Variants in SIPA1L1 observed in about 807,000 individuals in gnomAD.
The protein encoded by SIPA1L1 is signal-induced proliferation-associated 1-like protein 1.
A neutral mutation model predicts 162.7 loss-of-function variants in SIPA1L1; 26 were observed. That is an observed-to-expected ratio of 0.16 (90% CI 0.12 to 0.22). The LOEUF is 0.22. Among genes scored for constraint, SIPA1L1 ranks in the 10% least tolerant of loss-of-function variants. The pLI, the probability that SIPA1L1 is intolerant of heterozygous loss-of-function variation, is 1.00. For missense variants in SIPA1L1, 1,874 were observed against 2,241.0 expected, an observed-to-expected ratio of 0.84 and a Z score of 3.31; for synonymous variants, 829 against 837.4, an observed-to-expected ratio of 0.99 and a Z score of 0.17.
At chr14:71,641,085 C>T (rs2041665305) in intron 7 of SIPA1L1, among the ~76,000 whole-genome samples, 1 of 151,764 alleles carries the variant, frequency 6.6e-6, no homozygotes, top group Admixed American at 6.6e-5. Context: ...TAGAAAAATA[C>T]AGAAAAATGT....
intron 3 of SIPA1L1, among the ~76,000 whole-genome samples, chr14:71,514,397 G>C (rs1313299624): frequency 2.0e-5 from 3 of 152,154 alleles, no homozygotes; most frequent in Admixed American, 2.0e-4. Context: ...AATGTCCCTA[G>C]AAGGTCATAC....
chr14:71,607,969 A>G (rs778049497), intron 5 of SIPA1L1, among the ~76,000 whole-genome samples: 34 of 152,350 alleles, frequency 2.2e-4, no homozygotes, highest in Non-Finnish European at 4.6e-4. Context: ...TCCCAAATGT[A>G]TACCTCATTA....
chr14:71,523,109 A>G (rs1241130864), intron 3 of SIPA1L1, among the ~76,000 whole-genome samples: 1 of 151,934 alleles, frequency 6.6e-6, no homozygotes, highest in Non-Finnish European at 1.5e-5. Flanking sequence ...GAATTTTTTT[A>G]AAGTTCAGTT....
intron 5 of SIPA1L1, among the ~76,000 whole-genome samples, chr14:71,615,926 G>T (rs966825606): frequency 6.6e-6 from 1 of 152,196 alleles, no homozygotes; most frequent in African/African-American, 2.4e-5. Context: ...AACCCAGGAG[G>T]CAGAGGTTGC....
At chr14:71,395,506 A>G (rs908656987) in intron 2 of SIPA1L1, among the ~76,000 whole-genome samples, 2 of 152,328 alleles carry the variant, frequency 1.3e-5, no homozygotes, top group South Asian at 2.1e-4. Context: ...ACAAAAAATA[A>G]AAAACAATTA....
chr14:71,709,219 C>G lies in SIPA1L1; in HGVS notation c.3766-3C>G. 6.2e-7 allele frequency: 1 copy of G among 1,601,636 alleles called. No homozygotes were observed. The highest frequency in any genetic ancestry group is 8.5e-7 in the Non-Finnish European group (1 of 1,172,290). On this transcript the variant is annotated splice_region_variant and splice_polypyrimidine_tract_variant and intron_variant, in intron 16 of 23. Coordinates refer to ENST00000381232, the MANE Select transcript of SIPA1L1 (RefSeq NM_001386936.1). ...ACTCAAATAAATTCTGCTTCTCTTG[C>G]AGTCTGATAGCCACTACTCGAGCCA...
chr14:71,494,523 C>CTTTTT (rs201797447), intron 2 of SIPA1L1, among the ~76,000 whole-genome samples: 91 of 126,574 alleles, frequency 7.2e-4, no homozygotes, highest in Non-Finnish European at 9.6e-4. Flanking sequence ...CTTTTCTTTT[C>CTTTTT]TTTTTTTTTT....
chr14:71,520,452 A>G (rs1254186406), intron 3 of SIPA1L1, among the ~76,000 whole-genome samples: 1 of 152,208 alleles, frequency 6.6e-6, no homozygotes, highest in Non-Finnish European at 1.5e-5. Flanking sequence ...CACAGATCAT[A>G]AGTGGATAGG....
At chr14:71,338,289 C>T (rs970133624) in intron 2 of SIPA1L1, among the ~76,000 whole-genome samples, 4 of 152,190 alleles carry the variant, frequency 2.6e-5, no homozygotes, top group African/African-American at 9.7e-5. Flanking sequence ...CATCCTTTGT[C>T]GCAGGAGTCA....
chr14:71,442,419 TC>T (rs1396106247), intron 2 of SIPA1L1, among the ~76,000 whole-genome samples: 6 of 152,168 alleles, frequency 3.9e-5, no homozygotes, highest in Admixed American at 3.9e-4. Context: ...ATGAGATTTT[TC>T]CCCTGGCAAC....
At position 71,588,722 on chromosome 14, in the gene SIPA1L1, C is replaced by T. The variant is rs2147576103; in HGVS notation, c.850C>T (p.Arg284Ter). The change falls in exon 5 of 24, where the codon CGA (arginine) becomes TGA (stop). Residue 284 changes from arginine to a stop codon, truncating the protein, a stop_gained. Coordinates refer to ENST00000381232, the MANE Select transcript of SIPA1L1 (RefSeq NM_001386936.1). LOFTEE classifies it high-confidence loss of function. This position sits in a 1 kb window ranked among gnomAD's most constrained non-coding sequence, Gnocchi z 4.3. ...LFKEREKPLK[R>*]RSKSETGDSS... ...TAAGGAAAGGGAAAAACCACTCAAG[C>T]GACGTTCAAAATCTGAAACTGGAGA... The T allele has an allele frequency of 6.2e-7, 1 of 1,613,966 alleles. No homozygotes were observed.
chr14:71,647,426 C>G (rs1312239642), intron 7 of SIPA1L1, among the ~76,000 whole-genome samples: 1 of 151,632 alleles, frequency 6.6e-6, no homozygotes, highest in Non-Finnish European at 1.5e-5. Context: ...ATAAATTAAT[C>G]CTTTTGAGTG....
At chr14:71,428,253 T>C (rs1329521824) in intron 2 of SIPA1L1, among the ~76,000 whole-genome samples, 1 of 151,948 alleles carries the variant, frequency 6.6e-6, no homozygotes, top group East Asian at 1.9e-4. Flanking sequence ...CACCTCAGCC[T>C]CCCAAAATGC....
intron 2 of SIPA1L1, among the ~76,000 whole-genome samples, chr14:71,403,599 C>CAAAA (rs147285643): frequency 3.8e-4 from 26 of 69,260 alleles, no homozygotes; most frequent in African/African-American, 1.4e-3. Flanking sequence ...GACTCTGTCT[C>CAAAA]AAAAAAAAAA....
chr14:71,396,645 T>G (rs2041227534), intron 2 of SIPA1L1, among the ~76,000 whole-genome samples: 1 of 152,174 alleles, frequency 6.6e-6, no homozygotes, highest in Non-Finnish European at 1.5e-5. Flanking sequence ...AATTTTTTGG[T>G]AAAAACTTTT....
At chr14:71,455,205 A>G (rs1218045103) in intron 2 of SIPA1L1, among the ~76,000 whole-genome samples, 1 of 152,200 alleles carries the variant, frequency 6.6e-6, no homozygotes, top group East Asian at 1.9e-4. Flanking sequence ...GGTTAGAGGA[A>G]ATGAGTGTGC....
At chr14:71,461,725 G>T (rs2046616898) in intron 2 of SIPA1L1, among the ~76,000 whole-genome samples, 1 of 152,240 alleles carries the variant, frequency 6.6e-6, no homozygotes, top group Admixed American at 6.5e-5. Context: ...CAGGTGCACT[G>T]CTTGAAGTTC....
At chr14:71,376,157 T>C (rs964131480) in intron 2 of SIPA1L1, among the ~76,000 whole-genome samples, 2 of 152,172 alleles carry the variant, frequency 1.3e-5, no homozygotes, top group Non-Finnish European at 1.5e-5. Context: ...TGAAATCATA[T>C]GGACTTAGAA....
At chr14:71,692,695 G>A (rs1379916010) in intron 13 of SIPA1L1, among the ~76,000 whole-genome samples, 1 of 152,224 alleles carries the variant, frequency 6.6e-6, no homozygotes, top group East Asian at 1.9e-4. Context: ...CCCAGGAATG[G>A]GAGGAGAATG....
Sources: allele counts gnomAD v4.1 joint callset (sites outside exome capture counted in the v4.1 genomes callset), GRCh38; gene constraint gnomAD v4.1.1; non-coding constraint Gnocchi (gnomAD v3.1); transcripts MANE v1.5; gene names NCBI Gene and HGNC (gene_info 2026-07-23, HGNC 2026-07-21).